Variants in NRG1 observed in about 807,000 individuals in gnomAD.
The protein encoded by NRG1 is neuregulin 1.
Under a neutral mutation model 63.8 loss-of-function variants are expected in NRG1, and 18 were observed. That is an observed-to-expected ratio of 0.28 (90% CI 0.19 to 0.42). The LOEUF (loss-of-function observed/expected upper bound fraction) is 0.42, where lower values mean the gene tolerates loss of function less well. NRG1 is among the 10% of genes least tolerant of loss of function. The pLI is 1.00. For missense variants in NRG1, 762 were observed against 814.7 expected (o/e 0.94, Z 0.79); for synonymous variants, 302 against 301.3 (o/e 1.00, Z -0.02).
chr8:32,273,737 A>C (rs1424550031), intron 1 of NRG1, among the ~76,000 whole-genome samples: 1 of 152,180 alleles, frequency 6.6e-6, no homozygotes, highest in African/African-American at 2.4e-5. Flanking sequence ...TTTCTTTTTA[A>C]GTAGTTTGTG....
At chr8:32,251,138 A>G (rs1407723963) in intron 1 of NRG1, among the ~76,000 whole-genome samples, 2 of 152,010 alleles carry the variant, frequency 1.3e-5, no homozygotes, top group Non-Finnish European at 2.9e-5. Context: ...TACGCTTGCC[A>G]TGGTGGTTTG....
chr8:31,825,556 T>G (rs1250876530), intron 1 of NRG1, among the ~76,000 whole-genome samples: 1 of 152,134 alleles, frequency 6.6e-6, no homozygotes, highest in Non-Finnish European at 1.5e-5. Context: ...TCAGGACTAT[T>G]GTTTTCTCCA....
At chr8:31,643,382 T>C (rs1803987067) in intron 1 of NRG1, among the ~76,000 whole-genome samples, 1 of 152,270 alleles carries the variant, frequency 6.6e-6, no homozygotes, top group Admixed American at 6.5e-5. Flanking sequence ...TCCTACAAGT[T>C]GTTTGCTAGT....
intron 1 of NRG1, among the ~76,000 whole-genome samples, chr8:32,237,548 C>G (rs916242874): frequency 6.6e-6 from 1 of 151,900 alleles, no homozygotes; most frequent in East Asian, 1.9e-4. Flanking sequence ...GCTTATTTTT[C>G]CTAGTCAGGC....
intron 1 of NRG1, among the ~76,000 whole-genome samples, chr8:32,303,040 G>A (rs1309405864): frequency 1.3e-5 from 2 of 151,716 alleles, no homozygotes; most frequent in African/African-American, 4.8e-5. Context: ...AAATTAGCCG[G>A]GCGTGGTGGC....
At chr8:32,418,525 A>T (rs1816254501) in intron 1 of NRG1, among the ~76,000 whole-genome samples, 1 of 152,044 alleles carries the variant, frequency 6.6e-6, no homozygotes, top group African/African-American at 2.4e-5. Context: ...CTTACAGTAC[A>T]TCTTAATTTG....
intron 1 of NRG1, chr8:32,061,976 A>G (rs1446171983): frequency 1.3e-5 from 2 of 152,096 alleles, no homozygotes; most frequent in Non-Finnish European, 2.9e-5. Context: ...ATTATATTAC[A>G]GGACAGACAT....
At chr8:32,737,673 T>A (rs1176792113) in intron 6 of NRG1, among the ~76,000 whole-genome samples, 1 of 149,140 alleles carries the variant, frequency 6.7e-6, no homozygotes, top group African/African-American at 2.5e-5. Flanking sequence ...ATGACAATCT[T>A]CCTTTTTTTT....
Position 32,334,716 on chromosome 8 carries a change from G to A in NRG1, c.38-261112G>A, listed in dbSNP as rs556588068. On this transcript the variant is annotated intron_variant, in intron 1 of 10. Coordinates refer to the NRG1 transcript ENST00000519301. ...TAGCTATCTGGTTGGAATTCAGAAAGTATATCAAGGCCAACAATATAATTG... is the reference window on the plus strand; with the variant it reads ...TAGCTATCTGGTTGGAATTCAGAAAATATATCAAGGCCAACAATATAATTG... Among the ~76,000 whole-genome samples the A allele has an allele frequency of 2.1e-3, 326 of 152,306 alleles. 2 individuals carry two copies. The highest frequency in any genetic ancestry group is 4.1e-3 in the Non-Finnish European group (278 of 68,018).
intron 1 of NRG1, among the ~76,000 whole-genome samples, chr8:32,346,085 A>C (rs1296595453): frequency 6.8e-6 from 1 of 147,708 alleles, no homozygotes; most frequent in African/African-American, 2.5e-5. Context: ...ATATACTATA[A>C]TTTATATACT....
rs145633591 is a variant in NRG1 at position 31,825,463 on chromosome 8, G to A, written c.37+186032G>A. Among the ~76,000 whole-genome samples the A allele has an allele frequency of 7.2e-5, 11 of 152,232 alleles. No individual in the cohort carries two copies. The East Asian group carries it at 1.5e-3, about 21-fold the overall frequency. On this transcript the variant is annotated intron_variant, in intron 1 of 10. Coordinates refer to the NRG1 transcript ENST00000519301. ...AGAGAGATGAGAATACATTCAAAGA[G>A]CAGGGAAAGGAGAGTGTCTGAACAG...
chr8:32,588,633 G>C (rs992656515), intron 1 of NRG1, among the ~76,000 whole-genome samples: 1 of 152,188 alleles, frequency 6.6e-6, no homozygotes, highest in Non-Finnish European at 1.5e-5. Context: ...TTATTCAGTA[G>C]TTCATATACA....
At chr8:31,975,704 G>A (rs915796548) in intron 1 of NRG1, among the ~76,000 whole-genome samples, 1 of 152,124 alleles carries the variant, frequency 6.6e-6, no homozygotes, top group African/African-American at 2.4e-5. Context: ...AGATAACCCT[G>A]CTCTCTGTGA....
chr8:32,696,594 G>C (rs925460489), intron 5 of NRG1, among the ~76,000 whole-genome samples: 2 of 150,980 alleles, frequency 1.3e-5, no homozygotes, highest in Non-Finnish European at 2.9e-5. Context: ...GTTAATTGAA[G>C]ATGGAAGGCA....
At chr8:31,709,747 A>G (rs1344612372) in intron 1 of NRG1, among the ~76,000 whole-genome samples, 2 of 152,004 alleles carry the variant, frequency 1.3e-5, no homozygotes, top group Non-Finnish European at 2.9e-5. Context: ...AGAGCTGAAT[A>G]AAATAGTCTC....
At chr8:32,150,211 G>A (rs1837351632) in intron 1 of NRG1, among the ~76,000 whole-genome samples, 1 of 152,098 alleles carries the variant, frequency 6.6e-6, no homozygotes, top group Admixed American at 6.6e-5. Context: ...CCAAAAGGTT[G>A]AAAGCCTTCT....
At chr8:32,374,444 C>A (rs530525541) in intron 1 of NRG1, among the ~76,000 whole-genome samples, 1 of 152,152 alleles carries the variant, frequency 6.6e-6, no homozygotes, top group Non-Finnish European at 1.5e-5. Flanking sequence ...CTGGTAGTAT[C>A]GGAGGCATCA....
At chr8:32,151,448 G>A (rs978675771) in intron 1 of NRG1, among the ~76,000 whole-genome samples, 2 of 152,100 alleles carry the variant, frequency 1.3e-5, no homozygotes, top group Non-Finnish European at 2.9e-5. Context: ...CAAGCAAAAG[G>A]CAGGTGTGAA....
chr8:31,852,288 A>T (rs1230549903), intron 1 of NRG1, among the ~76,000 whole-genome samples: 2 of 150,238 alleles, frequency 1.3e-5, no homozygotes, highest in Middle Eastern at 3.5e-3. Flanking sequence ...CTGACTTTTT[A>T]ATGATTGCCA....
Sources: allele counts gnomAD v4.1 joint callset (sites outside exome capture counted in the v4.1 genomes callset), GRCh38; gene constraint gnomAD v4.1.1; transcripts MANE v1.5; gene names NCBI Gene and HGNC (gene_info 2026-07-23, HGNC 2026-07-21).